The following MCTP2 variants were observed in gnomAD, a reference collection of about 807,000 sequenced individuals.
MCTP2 encodes the protein multiple C2 and transmembrane domain containing 2.
In MCTP2, 132 loss-of-function variants were observed where a neutral mutation model predicts 111.6. The ratio of observed to expected loss-of-function variants is 1.18; its 90% CI spans 1.03 to 1.37. MCTP2 has a LOEUF of 1.37. Ranked by LOEUF, MCTP2 falls within the 40% of genes most tolerant of loss-of-function variation. MCTP2 has a pLI of 0.00. For synonymous variants in MCTP2, 395 were observed against 387.7 expected, an observed-to-expected ratio of 1.02 and a Z score of -0.22; for missense variants, 1,183 against 1,067.9, an observed-to-expected ratio of 1.11 and a Z score of -1.50.
In MCTP2 at chr15:94,379,092, T is replaced by C. The variant is rs147938020; in HGVS notation, c.1583-4930T>C. Among the ~76,000 whole-genome samples, 1,200 of 151,592 alleles carry C rather than the reference T, an allele frequency of 7.9e-3. 11 individuals carry two copies. The highest frequency in any genetic ancestry group is 0.027 in the African/African-American group (1,094 of 41,124). ...TTTGTTTTTTTTTTTAATGTTTTCC[T>C]TTTTTGGAGAGCAAGGAGATTGGAA... On this transcript the variant is annotated intron_variant, in intron 12 of 22. Coordinates refer to ENST00000357742, the MANE Select transcript of MCTP2 (RefSeq NM_001385001.1).
chr15:94,245,833 C>T (rs1387062333), intron 1 of MCTP2, among the ~76,000 whole-genome samples: 4 of 151,344 alleles, frequency 2.6e-5, no homozygotes, highest in Admixed American at 1.3e-4. Context: ...TGCTCCCCCC[C>T]CAGCCAAAAA....
chr15:94,269,385 T>C (rs1004339191), intron 1 of MCTP2, among the ~76,000 whole-genome samples: 1 of 152,218 alleles, frequency 6.6e-6, no homozygotes, highest in African/African-American at 2.4e-5. Context: ...ATTGATAGAA[T>C]TTAGGGGTAA....
At chr15:94,251,172 G>T (rs2072390848) in intron 1 of MCTP2, among the ~76,000 whole-genome samples, 1 of 152,152 alleles carries the variant, frequency 6.6e-6, no homozygotes, top group South Asian at 2.1e-4. Flanking sequence ...AGTGAGGACA[G>T]GACCCATGGT....
chr15:94,318,363 A>C (rs1233366758), intron 4 of MCTP2, among the ~76,000 whole-genome samples: 3 of 150,634 alleles, frequency 2.0e-5, no homozygotes, highest in African/African-American at 2.4e-5. Flanking sequence ...AGCTCACTGC[A>C]ACCTCCGCCT....
Position 94,370,150 on chromosome 15 carries a change from G to A in MCTP2, c.1552G>A (p.Ala518Thr), listed in dbSNP as rs1328513210. The change falls in exon 12 of 23, where the codon GCA becomes ACA. Residue 518 changes from alanine to threonine, a missense_variant. By Grantham distance (58) the Ala-to-Thr change is moderately conservative. Transcript: ENST00000357742. ...VGILQVKVLK[A>T]ADLLAADFSG... is the part of the protein sequence containing the mutation. Reference sequence around the variant, plus strand: ...CATTCTACAAGTGAAGGTTTTAAAGGCAGCAGATCTCTTAGCGGCAGATTT... The same window carrying A: ...CATTCTACAAGTGAAGGTTTTAAAGACAGCAGATCTCTTAGCGGCAGATTT... 1 of 1,613,234 alleles carries A rather than the reference G, an allele frequency of 6.2e-7. No individual in the cohort carries two copies. The highest frequency in any genetic ancestry group is 1.3e-5 in the African/African-American group (1 of 74,974).
chr15:94,424,774 G>A (rs187185548), intron 17 of MCTP2, among the ~76,000 whole-genome samples: 1 of 152,106 alleles, frequency 6.6e-6, no homozygotes, highest in South Asian at 2.1e-4. Flanking sequence ...GGGTACTTTG[G>A]TGAGGTCTTA....
intron 17 of MCTP2, among the ~76,000 whole-genome samples, chr15:94,427,766 A>G (rs1038653346): frequency 1.3e-5 from 2 of 152,142 alleles, no homozygotes; most frequent in African/African-American, 2.4e-5. Context: ...TTTGTTTTTG[A>G]TCCTGTCTCC....
rs778854407 is a variant in MCTP2, at chr15:94,298,673, C to T, written c.408C>T (p.Asn136=). Residue 136 remains asparagine (N), a synonymous_variant, in exon 2 of 23, where the codon AAC becomes AAT. Coordinates refer to ENST00000357742, the MANE Select transcript of MCTP2 (RefSeq NM_001385001.1). ...SPAERRRVSS[N]GIFDLQKTSL... The stretch of plus-strand genomic sequence containing the variant: ...CTGAGCGGAGACGGGTGTCCAGCAA[C>T]GGCATCTTTGATCTTCAGAAAACTT... The T allele has an allele frequency of 3.5e-5, 57 of 1,613,442 alleles. No individual in the cohort carries two copies. The highest frequency in any genetic ancestry group is 1.2e-4 in the Admixed American group (7 of 59,962).
chr15:94,404,371 G>T, intron 17 of MCTP2, among the ~76,000 whole-genome samples: 1 of 145,116 alleles, frequency 6.9e-6, no homozygotes, highest in Admixed American at 7.2e-5. Flanking sequence ...GCACGATCTT[G>T]GCTCACTGCA....
At chr15:94,335,827 G>A (rs962275696) in intron 4 of MCTP2, among the ~76,000 whole-genome samples, 8 of 152,194 alleles carry the variant, frequency 5.3e-5, no homozygotes, top group African/African-American at 1.9e-4. Flanking sequence ...TTGTGAAAGC[G>A]TGAGTCCACT....
chr15:94,357,258 A>C (rs1409246233), intron 9 of MCTP2, among the ~76,000 whole-genome samples: 1 of 152,244 alleles, frequency 6.6e-6, no homozygotes, highest in East Asian at 1.9e-4. Flanking sequence ...AGAATAGTTT[A>C]TAAAAAATGT....
rs570144174 is a variant in MCTP2, at chr15:94,333,878, T to C, written c.638-5412T>C. ...TTCTAGGACAGCTCAGATTATTTTATAGAAATGTTCCCAAATCACACAGAA... is the reference window on the plus strand; with the variant it reads ...TTCTAGGACAGCTCAGATTATTTTACAGAAATGTTCCCAAATCACACAGAA... On this transcript the variant is annotated intron_variant, in intron 4 of 22. Transcript: ENST00000357742. Among the ~76,000 whole-genome samples the C allele has an allele frequency of 5.9e-5, 9 of 152,322 alleles. No homozygotes were observed. In the South Asian group the frequency reaches 1.9e-3, roughly 32 times the overall value.
At chr15:94,233,102 G>T (rs1037947966) in intron 1 of MCTP2, among the ~76,000 whole-genome samples, 4 of 152,068 alleles carry the variant, frequency 2.6e-5, no homozygotes, top group African/African-American at 9.7e-5. Flanking sequence ...AAATCCGGCA[G>T]ATTTAATATA....
At chr15:94,278,703 GT>G (rs34094265) in intron 1 of MCTP2, among the ~76,000 whole-genome samples, 3 of 151,562 alleles carry the variant, frequency 2.0e-5, no homozygotes, top group Non-Finnish European at 4.4e-5. Context: ...CTAACAGGTA[GT>G]TTTTTTTGAA....
chr15:94,267,566 T>A (rs2073614759), intron 1 of MCTP2, among the ~76,000 whole-genome samples: 1 of 152,074 alleles, frequency 6.6e-6, no homozygotes, highest in Admixed American at 6.6e-5. Context: ...TAATTTCTCT[T>A]AAACTCCTGT....
rs1567265298 is a variant in MCTP2 at position 94,245,420 on chromosome 15, GTGTGTATATATTTATATATA to G, written c.-66+13757_-66+13776del. Among the ~76,000 whole-genome samples, 7 of 76,770 alleles carry G rather than the reference GTGTGTATATATTTATATATA, an allele frequency of 9.1e-5. No individual in the cohort carries two copies. In the East Asian group the frequency reaches 1.7e-3, roughly 19 times the overall value. The allele number at this position is 76,770 out of a possible 152,430, so 50.4% of individuals were successfully genotyped here. Reference sequence around the variant, plus strand: ...CATGTGTGTATATATTTATATACATGTGTGTATATATTTATATATACACATATATGTATATGTATTTATAT... The same window carrying G: ...CATGTGTGTATATATTTATATACATGCACATATATGTATATGTATTTATAT... On this transcript the variant is annotated intron_variant, in intron 1 of 22. Coordinates refer to ENST00000357742, the MANE Select transcript of MCTP2 (RefSeq NM_001385001.1).
At position 94,298,351 on chromosome 15, in the gene MCTP2, A is replaced by G; in HGVS notation, c.86A>G (p.Lys29Arg). 6.2e-7 allele frequency: 1 copy of G among 1,614,144 alleles called. No individual in the cohort carries two copies. The highest frequency in any genetic ancestry group is 1.1e-5 in the South Asian group (1 of 91,082). ...ATCAACTTGAGCAAGAAGAAGGTGA[A>G]AAAGAACCCAAGTAAGCCCCCAGAT... ...LLINLSKKKV[K>R]KNPSKPPDLR... Residue 29 changes from lysine to arginine, a missense_variant, in exon 2 of 23, where the codon AAA (lysine) becomes AGA (arginine). Lys to Arg is a conservative substitution (Grantham distance 26). Coordinates refer to ENST00000357742, the MANE Select transcript of MCTP2 (RefSeq NM_001385001.1).
rs896610520 is a variant in MCTP2, at chr15:94,372,430, A to T, written c.1582+2250A>T. On this transcript the variant is annotated intron_variant, in intron 12 of 22. Transcript: ENST00000357742. Reference sequence around the variant, plus strand: ...GGGCTACAAAGTGGACTTATTCCAGATAGTTGTAATTTAACTTTTCTATGT... The same window carrying T: ...GGGCTACAAAGTGGACTTATTCCAGTTAGTTGTAATTTAACTTTTCTATGT... Among the ~76,000 whole-genome samples, 18 of 152,334 alleles carry T rather than the reference A, an allele frequency of 1.2e-4. 1 individual carries two copies. Among genetic ancestry groups the T allele is most frequent in the Admixed American group, 1.1e-3 (17 of 15,292 alleles).
At chr15:94,350,994 CTATTTT>C (rs956184230) in intron 8 of MCTP2, among the ~76,000 whole-genome samples, 5 of 151,762 alleles carry the variant, frequency 3.3e-5, no homozygotes, top group Non-Finnish European at 5.9e-5. Flanking sequence ...TTCTCTTAAT[CTATTTT>C]TATTTTTAAG....
Sources: allele counts gnomAD v4.1 joint callset (sites outside exome capture counted in the v4.1 genomes callset), GRCh38; gene constraint gnomAD v4.1.1; transcripts MANE v1.5; gene names NCBI Gene and HGNC (gene_info 2026-07-23, HGNC 2026-07-21).